The following DGKI variants were observed in gnomAD, a reference collection of about 807,000 sequenced individuals.
DGKI encodes DAG kinase iota.
Under a neutral mutation model 147.5 loss-of-function variants are expected in DGKI, and 55 were observed. That is an observed-to-expected ratio of 0.37 (90% CI 0.30 to 0.47). The LOEUF (loss-of-function observed/expected upper bound fraction) is 0.47, where lower values mean the gene tolerates loss of function less well. Among genes scored for constraint, DGKI ranks in the 20% least tolerant of loss-of-function variants. The pLI is 1.00. For missense variants in DGKI, 1,007 were observed against 1,323.8 expected (o/e 0.76, Z 3.71); for synonymous variants, 469 against 477.1 (o/e 0.98, Z 0.22).
intron 21 of DGKI, among the ~76,000 whole-genome samples, chr7:137,519,153 C>T (rs1816877738): frequency 6.6e-6 from 1 of 151,922 alleles, no homozygotes; most frequent in South Asian, 2.1e-4. Context: ...GAAGGATTGC[C>T]CCCCAGTGAG....
At chr7:137,465,165 G>A (rs1205550928) in intron 26 of DGKI, among the ~76,000 whole-genome samples, 2 of 152,112 alleles carry the variant, frequency 1.3e-5, no homozygotes, top group East Asian at 1.9e-4. Context: ...TGAAATATTA[G>A]ACAAGTAACA....
At chr7:137,420,176 A>G (rs911692735) in intron 28 of DGKI, among the ~76,000 whole-genome samples, 2 of 152,190 alleles carry the variant, frequency 1.3e-5, no homozygotes, top group African/African-American at 4.8e-5. Flanking sequence ...GGGCTTTCTT[A>G]TAAGATGGTG....
At chr7:137,693,894 A>G (rs1382892643) in intron 1 of DGKI, among the ~76,000 whole-genome samples, 1 of 152,258 alleles carries the variant, frequency 6.6e-6, no homozygotes, top group African/African-American at 2.4e-5. Context: ...AAGAAACATC[A>G]AAACGGCTTT....
chr7:137,652,306 A>G (rs1024251787), intron 5 of DGKI, among the ~76,000 whole-genome samples: 1 of 152,212 alleles, frequency 6.6e-6, no homozygotes, highest in African/African-American at 2.4e-5. Context: ...AATGAAAACC[A>G]AAAGCATCTT....
At chr7:137,440,663 G>A (rs1813464546) in intron 28 of DGKI, among the ~76,000 whole-genome samples, 1 of 152,200 alleles carries the variant, frequency 6.6e-6, no homozygotes, top group African/African-American at 2.4e-5. Flanking sequence ...GAAACTGGGG[G>A]TGATACATTG....
chr7:137,837,105 G>A (rs960918381), intron 1 of DGKI, among the ~76,000 whole-genome samples: 5 of 152,194 alleles, frequency 3.3e-5, no homozygotes, highest in Admixed American at 6.5e-5. Context: ...GTGACTTGCA[G>A]GCAAGCTGCT....
At chr7:137,641,295 A>C (rs184694960) in intron 6 of DGKI, among the ~76,000 whole-genome samples, 22 of 152,316 alleles carry the variant, frequency 1.4e-4, no homozygotes, top group African/African-American at 4.8e-4. Flanking sequence ...ATGTGTTTAT[A>C]AACAGCACGA....
intron 32 of DGKI, among the ~76,000 whole-genome samples, chr7:137,392,325 G>A (rs1251172415): frequency 6.6e-6 from 1 of 151,978 alleles, no homozygotes; most frequent in Non-Finnish European, 1.5e-5. Flanking sequence ...TTGAATGCCT[G>A]TATATATTAC....
intron 1 of DGKI, among the ~76,000 whole-genome samples, chr7:137,692,793 C>G (rs1172368984): frequency 6.6e-6 from 1 of 152,140 alleles, no homozygotes; most frequent in African/African-American, 2.4e-5. Context: ...TTTTGTTGAT[C>G]ACTTATTTCT....
intron 30 of DGKI, among the ~76,000 whole-genome samples, chr7:137,400,466 C>T (rs1208144706): frequency 6.6e-6 from 1 of 152,224 alleles, no homozygotes; most frequent in Non-Finnish European, 1.5e-5. Flanking sequence ...GGGTCTAAGC[C>T]TCTATGCAAG....
chr7:137,410,693 T>A (rs1303182931), intron 29 of DGKI, among the ~76,000 whole-genome samples: 2 of 152,156 alleles, frequency 1.3e-5, no homozygotes, highest in African/African-American at 4.8e-5. Context: ...GAAAATAAAA[T>A]GGAAGGGTTT....
At chr7:137,561,731 CAAATA>C (rs145679516) in intron 19 of DGKI, among the ~76,000 whole-genome samples, 4,640 of 151,510 alleles carry the variant, frequency 0.031, 211 homozygotes, top group East Asian at 0.11. Context: ...AAAAAAACAA[CAAATA>C]AAGAGAAAAT....
chr7:137,416,559 G>A (rs1026041445), intron 28 of DGKI, among the ~76,000 whole-genome samples: 1 of 152,168 alleles, frequency 6.6e-6, no homozygotes, highest in Non-Finnish European at 1.5e-5. Context: ...CTGACACCAA[G>A]ATAAGGCACT....
intron 28 of DGKI, among the ~76,000 whole-genome samples, chr7:137,424,105 A>G (rs1382358538): frequency 6.6e-6 from 1 of 152,240 alleles, no homozygotes; most frequent in Admixed American, 6.5e-5. Flanking sequence ...GAATATAAAA[A>G]TTAAGCATTT....
intron 1 of DGKI, among the ~76,000 whole-genome samples, chr7:137,779,931 AG>A (rs1796469560): frequency 6.6e-6 from 1 of 152,192 alleles, no homozygotes; most frequent in Non-Finnish European, 1.5e-5. Context: ...GAAGTAAGAA[AG>A]CATCAGTGAA....
intron 3 of DGKI, 62 bp downstream of exon 3, chr7:137,678,495 G>T (rs1375018305): frequency 1.3e-6 from 2 of 1,511,670 alleles, no homozygotes; most frequent in Non-Finnish European, 1.8e-6. Flanking sequence ...TTTAGGCAAG[G>T]TGACCCCTCT....
intron 12 of DGKI, 92 bp from the exon 13 acceptor site, chr7:137,587,302 A>C: frequency 1.1e-6 from 1 of 907,450 alleles, no homozygotes; most frequent in Non-Finnish European, 1.6e-6. Flanking sequence ...CAAGAGCTAA[A>C]CAGAATGGTT....
At chr7:137,844,056 C>A (rs1166787967) in intron 1 of DGKI, among the ~76,000 whole-genome samples, 1 of 152,066 alleles carries the variant, frequency 6.6e-6, no homozygotes, top group East Asian at 1.9e-4. Flanking sequence ...GTGGTGTGGT[C>A]CCCACCAAGG....
chr7:137,543,316 T>C (rs1423455003), intron 20 of DGKI, among the ~76,000 whole-genome samples: 1 of 152,228 alleles, frequency 6.6e-6, no homozygotes, highest in Non-Finnish European at 1.5e-5. Context: ...ATTTGCTTTG[T>C]TTTGTCCTAT....
Sources: gnomAD v4.1 joint callset for allele counts (sites outside exome capture counted in the v4.1 genomes callset) on GRCh38, gnomAD v4.1.1 for gene constraint, MANE v1.5 for transcripts, NCBI Gene and HGNC (gene_info 2026-07-23, HGNC 2026-07-21) for gene names.